Variants in SCN3A observed in about 807,000 individuals in gnomAD.
The protein encoded by SCN3A is sodium channel protein type 3 subunit alpha.
In SCN3A, 60 loss-of-function variants were observed where a neutral mutation model predicts 187.6. The ratio of observed to expected loss-of-function variants is 0.32; its 90% confidence interval spans 0.26 to 0.40. SCN3A has a LOEUF of 0.40. SCN3A is among the 10% of genes least tolerant of loss of function. The pLI is 1.00. For missense variants in SCN3A, 1,601 were observed against 2,428.2 expected (o/e 0.66, Z 7.16); for synonymous variants, 788 against 829.2 (o/e 0.95, Z 0.85).
chr2:165,181,831 C>T (rs902896399), intron 2 of SCN3A, among the ~76,000 whole-genome samples: 1 of 152,236 alleles, frequency 6.6e-6, no homozygotes, highest in Non-Finnish European at 1.5e-5. Context: ...CTTCAGTATG[C>T]AGTCAAATAC....
At chr2:165,134,634 A>G (rs1326253423) in intron 15 of SCN3A, among the ~76,000 whole-genome samples, 1 of 152,146 alleles carries the variant, frequency 6.6e-6, no homozygotes, top group Non-Finnish European at 1.5e-5. Flanking sequence ...TGAAATGCCC[A>G]TTGAAAAATA....
intron 5 of SCN3A, among the ~76,000 whole-genome samples, chr2:165,165,238 C>T (rs1689680026): frequency 1.3e-5 from 2 of 151,658 alleles, no homozygotes; most frequent in South Asian, 4.2e-4. Context: ...CCTCCTTCCT[C>T]CCACCCTGAG....
At chr2:165,096,671 AAAAC>A in intron 23 of SCN3A, 151 bp from the exon 24 acceptor site, 2 of 597,344 alleles carry the variant, frequency 3.3e-6, no homozygotes, top group Non-Finnish European at 5.9e-6. Context: ...TTGAAATAGA[AAAAC>A]ATTTGTATTT....
intron 11 of SCN3A, among the ~76,000 whole-genome samples, chr2:165,153,547 C>T (rs1352550792): frequency 1.3e-5 from 2 of 150,892 alleles, no homozygotes; most frequent in Non-Finnish European, 3.0e-5. Context: ...AACAACCTAA[C>T]TAAAAAAAAA....
intron 2 of SCN3A, among the ~76,000 whole-genome samples, chr2:165,181,513 A>G (rs1690871042): frequency 6.6e-6 from 1 of 152,182 alleles, no homozygotes; most frequent in African/African-American, 2.4e-5. Context: ...TGTCATGAGA[A>G]AAGTTGTAAT....
Position 165,108,327 on chromosome 2 carries a change from G to A in SCN3A, c.3843+4558C>T, listed in dbSNP as rs186752353. 2.2e-3 allele frequency among the ~76,000 whole-genome samples: 330 copies of A among 152,040 alleles called. 2 individuals are homozygous for A. The highest frequency in any genetic ancestry group is 7.5e-3 in the African/African-American group (313 of 41,478). The stretch of plus-strand genomic sequence containing the variant: ...AAATACTAGATCCTAGGGGTTGCTG[G>A]CAAATGGAAATACATATTAGGATCA... On this transcript the variant is annotated intron_variant, in intron 21 of 27. Transcript: ENST00000283254.
chr2:165,144,738 A>AT (rs1688218222), intron 12 of SCN3A, among the ~76,000 whole-genome samples: 1 of 151,930 alleles, frequency 6.6e-6, no homozygotes, highest in South Asian at 2.1e-4. Context: ...AACACAGTCT[A>AT]TAACTTATTT....
chr2:165,107,883 A>G (rs1685937088), intron 21 of SCN3A, among the ~76,000 whole-genome samples: 1 of 152,224 alleles, frequency 6.6e-6, no homozygotes, highest in African/African-American at 2.4e-5. Context: ...GACATTTATA[A>G]TGAGGTTTGT....
chr2:165,137,914 C>G lies in SCN3A; in HGVS notation c.2356G>C (p.Glu786Gln), dbSNP rs756928766. Residue 786 changes from glutamate to glutamine, a missense_variant, in exon 15 of 28, where the codon GAG (glutamate) becomes CAG (glutamine). Transcript: ENST00000283254. The part of the protein sequence containing the change: ...FMAMEHYPMT[E>Q]QFSSVLTVGN... ...ACAGTCAACACACTACTGAATTGCT[C>G]AGTCATGGGGTAGTGCTCCATGGCC... 1.2e-6 allele frequency: 2 copies of G among 1,613,182 alleles called. No homozygotes were observed. Among genetic ancestry groups the G allele is most frequent in the Admixed American group, 3.3e-5 (2 of 59,982 alleles).
At position 165,089,585 on chromosome 2, in the gene SCN3A, T is replaced by C. The variant is rs1170208103; in HGVS notation, c.*565A>G. 6.5e-6 allele frequency: 1 copy of C among 153,456 alleles called. No individual in the cohort carries two copies. The highest frequency in any genetic ancestry group is 6.5e-5 in the Admixed American group (1 of 15,378). The allele number at this position is 153,456 out of a possible 1,614,324, so 9.5% of individuals were successfully genotyped here. On this transcript the variant is annotated 3_prime_UTR_variant, in exon 28 of 28. Transcript: ENST00000283254. ...AAGCCATCTAGAAAATGGAAGTAAC[T>C]GAAACTGTAGCCATTACAATTCTTT...
intron 9 of SCN3A, among the ~76,000 whole-genome samples, chr2:165,159,998 G>A (rs941250686): frequency 7.5e-6 from 1 of 133,468 alleles, no homozygotes; most frequent in South Asian, 2.4e-4. Flanking sequence ...GCGTGGTGGC[G>A]GGCGCCTGTG....
At chr2:165,103,597 G>A (rs577198498) in intron 21 of SCN3A, among the ~76,000 whole-genome samples, 541 of 152,222 alleles carry the variant, frequency 3.6e-3, no homozygotes, top group Non-Finnish European at 5.6e-3. Flanking sequence ...AGGTGTCAGG[G>A]GTTGGTTCAG....
chr2:165,097,017 AAGC>A, intron 23 of SCN3A, among the ~76,000 whole-genome samples: 1 of 152,316 alleles, frequency 6.6e-6, no homozygotes, highest in East Asian at 1.9e-4. Flanking sequence ...ACAAAAAAGA[AAGC>A]AGAAATATAA....
At chr2:165,099,047 C>A (rs1177909453) in intron 22 of SCN3A, among the ~76,000 whole-genome samples, 2 of 152,038 alleles carry the variant, frequency 1.3e-5, no homozygotes, top group East Asian at 3.9e-4. Context: ...ATGTAAAAAC[C>A]AAATATTTCT....
At position 165,162,607 on chromosome 2, in the gene SCN3A, C is replaced by T; in HGVS notation, c.916G>A (p.Val306Ile). Residue 306 changes from valine to isoleucine, a missense_variant, in exon 8 of 28, where the codon GTT (valine) becomes ATT (isoleucine). Around this residue, in one of 11 missense-constraint regions of SCN3A, gnomAD observed 104 missense variants for 102.7 expected, o/e 1.01. Coordinates refer to ENST00000283254, the MANE Select transcript of SCN3A (RefSeq NM_006922.4). ...TTAAATGTGCTCATTGTTACATTAA[C>T]AAATGTCCCATTTGAATCCATTGTG... ...NGTMDSNGTF[V>I]NVTMSTFNWK... The T allele has an allele frequency of 6.2e-7, 1 of 1,614,112 alleles. No homozygotes were observed. Among genetic ancestry groups the T allele is most frequent in the South Asian group, 1.1e-5 (1 of 91,082 alleles).
At chr2:165,188,121 C>T (rs1242069289) in intron 1 of SCN3A, among the ~76,000 whole-genome samples, 2 of 151,910 alleles carry the variant, frequency 1.3e-5, no homozygotes, top group Admixed American at 1.3e-4. Context: ...GGCTGGATAT[C>T]GAAGAGGGAA....
chr2:165,148,770 A>G (rs1302766830), intron 11 of SCN3A, among the ~76,000 whole-genome samples: 3 of 152,120 alleles, frequency 2.0e-5, no homozygotes, highest in African/African-American at 7.2e-5. Flanking sequence ...AAAATTTTAT[A>G]GAGTCATATA....
chr2:165,190,568 CTA>C (rs1271477933), intron 1 of SCN3A, among the ~76,000 whole-genome samples: 1 of 143,586 alleles, frequency 7.0e-6, no homozygotes, highest in African/African-American at 2.6e-5. Flanking sequence ...TTATATATAA[CTA>C]TATTTATATA....
chr2:165,184,913 T>C (rs1455720559), intron 2 of SCN3A, among the ~76,000 whole-genome samples: 1 of 152,198 alleles, frequency 6.6e-6, no homozygotes. Flanking sequence ...TATCACTACG[T>C]TATAGCCAAA....
Sources: gnomAD v4.1 joint callset for allele counts (sites outside exome capture counted in the v4.1 genomes callset) on GRCh38, gnomAD v4.1.1 for gene constraint, gnomAD v4.1.1 regional missense constraint, MANE v1.5 for transcripts, NCBI Gene and HGNC (gene_info 2026-07-23, HGNC 2026-07-21) for gene names.